The following FAT3 variants were observed in gnomAD, a reference collection of about 807,000 sequenced individuals.
The protein encoded by FAT3 is protocadherin Fat 3.
A neutral mutation model predicts 310.2 loss-of-function variants in FAT3; 95 were observed. That is an observed-to-expected ratio of 0.31 (90% confidence interval 0.26 to 0.36). The LOEUF (loss-of-function observed/expected upper bound fraction) is 0.36. Among genes scored for constraint, FAT3 ranks in the 10% least tolerant of loss-of-function variants. FAT3 has a pLI of 1.00. For missense variants in FAT3, 5,408 were observed against 5,715.6 expected (o/e 0.95, Z 1.74); for synonymous variants, 2,314 against 2,192.9 (o/e 1.06, Z -1.54).
At chr11:92,772,537 C>A (rs953234748) in intron 6 of FAT3, among the ~76,000 whole-genome samples, 3 of 152,060 alleles carry the variant, frequency 2.0e-5, no homozygotes, top group Non-Finnish European at 4.4e-5. Context: ...TATCTTCAAA[C>A]AATTTTTTTG....
chr11:92,413,096 C>G (rs1044932198), intron 2 of FAT3, among the ~76,000 whole-genome samples: 3 of 152,086 alleles, frequency 2.0e-5, no homozygotes, highest in African/African-American at 7.2e-5. Context: ...CCTGTTCTTC[C>G]TTCTACACCC....
At position 92,800,814 on chromosome 11, in the gene FAT3, A is replaced by G. The variant is rs1947320809; in HGVS notation, c.7801A>G (p.Met2601Val). Reference protein sequence around the residue: ...VDENDNAPQFMTVEYRASVRA... With the variant: ...VDENDNAPQFVTVEYRASVRA... ...TGAAAATGACAATGCTCCCCAGTTC[A>G]TGACAGTGGAATATAGAGCCAGTGT... is the stretch of plus-strand genomic sequence containing the variant. The change falls in exon 10 of 28, where the codon ATG (methionine) becomes GTG (valine). Residue 2601 changes from methionine (M) to valine (V), a missense_variant. This residue lies in a region of FAT3 where 4,588 missense variants were observed against 4,809.8 expected (regional missense o/e 0.95). Transcript: ENST00000525166. 6.2e-7 allele frequency: 1 copy of G among 1,613,876 alleles called. No homozygotes were observed. The highest frequency in any genetic ancestry group is 1.3e-5 in the African/African-American group (1 of 75,062).
intron 2 of FAT3, among the ~76,000 whole-genome samples, chr11:92,518,148 G>A (rs1459788406): frequency 6.6e-6 from 1 of 152,050 alleles, no homozygotes; most frequent in African/African-American, 2.4e-5. Flanking sequence ...ATTTTACCCA[G>A]CAATCCCATT....
chr11:92,706,071 G>T (rs981104842), intron 4 of FAT3, among the ~76,000 whole-genome samples: 1 of 151,180 alleles, frequency 6.6e-6, no homozygotes, highest in Non-Finnish European at 1.5e-5. Flanking sequence ...TGGTAGTGAC[G>T]ACTGTGATGG....
intron 1 of FAT3, among the ~76,000 whole-genome samples, chr11:92,342,400 A>G (rs754996987): frequency 1.3e-5 from 2 of 152,096 alleles, no homozygotes; most frequent in Non-Finnish European, 2.9e-5. Context: ...CTGCTTTCGT[A>G]TCTTCCGATT....
rs931363388 is a variant in FAT3, at chr11:92,766,065, A to G, written c.4195+976A>G. On this transcript the variant is annotated intron_variant, in intron 6 of 27. Transcript: ENST00000525166. ...AGTCAGCCTCCCCCGCAAGCCGAAT[A>G]GAGGAAGCAGATGGAAGCATGCAGG... 4.6e-5 allele frequency among the ~76,000 whole-genome samples: 7 copies of G among 152,128 alleles called. No individual in the cohort carries two copies. In the East Asian group the frequency reaches 1.4e-3, roughly 29 times the overall value.
chr11:92,883,173 C>T lies in FAT3; in HGVS notation c.12717C>T (p.Pro4239=), dbSNP rs2136415061. 1 of 1,613,540 alleles carries T rather than the reference C, an allele frequency of 6.2e-7. No individual in the cohort carries two copies. Among genetic ancestry groups the T allele is most frequent in the Non-Finnish European group, 8.5e-7 (1 of 1,179,848 alleles). Residue 4239 remains proline (P), a synonymous_variant, in exon 24 of 28, where the codon CCC becomes CCT. Transcript: ENST00000525166. The surrounding 1 kb of genome is among the most constrained non-coding windows in gnomAD (Gnocchi z 4.2). The part of the protein sequence containing the change: ...QVPVRPMAYT[P]CFQSDSRSNL... Reference sequence around the variant, plus strand: ...CCGTGCGCCCCATGGCCTACACACCCTGCTTCCAGAGTGACTCCAGGAGCA... The same window carrying T: ...CCGTGCGCCCCATGGCCTACACACCTTGCTTCCAGAGTGACTCCAGGAGCA...
intron 2 of FAT3, among the ~76,000 whole-genome samples, chr11:92,442,811 AT>A (rs568116674): frequency 6.8e-4 from 103 of 151,506 alleles, no homozygotes; most frequent in Non-Finnish European, 1.1e-3. Flanking sequence ...TGACAGGTTC[AT>A]TTTTTTTTAT....
At position 92,490,115 on chromosome 11, in the gene FAT3, CT is replaced by C. The variant is rs1952560197; in HGVS notation, c.3293-34513del. ...TCATCTGATTTGGGTTGAAAATATA[CT>C]TTTTTAAGAATTAGTTATAATTGTT... On this transcript the variant is annotated intron_variant, in intron 2 of 27. Coordinates refer to ENST00000525166, the MANE Select transcript of FAT3 (RefSeq NM_001367949.2). Among the ~76,000 whole-genome samples, 3 of 152,004 alleles carry C rather than the reference CT, an allele frequency of 2.0e-5. No individual in the cohort carries two copies. In the South Asian group the frequency reaches 6.2e-4, roughly 32 times the overall value.
chr11:92,850,771 G>A (rs931274041), intron 19 of FAT3, among the ~76,000 whole-genome samples: 2 of 152,220 alleles, frequency 1.3e-5, no homozygotes, highest in Non-Finnish European at 2.9e-5. Flanking sequence ...GCTAAAAGCA[G>A]AGACTTAATC....
chr11:92,285,859 C>T (rs1946549557), intron 1 of FAT3, among the ~76,000 whole-genome samples: 1 of 152,046 alleles, frequency 6.6e-6, no homozygotes, highest in South Asian at 2.1e-4. Flanking sequence ...GGCAATGTGG[C>T]TTATTTGGAG....
intron 4 of FAT3, among the ~76,000 whole-genome samples, chr11:92,744,436 T>C (rs1945595226): frequency 6.6e-6 from 1 of 152,182 alleles, no homozygotes; most frequent in Non-Finnish European, 1.5e-5. Context: ...ACATAATAAA[T>C]GGGTGATATA....
Position 92,271,307 on chromosome 11 carries a change from G to A in FAT3, c.-18+46133G>A, listed in dbSNP as rs375505035. 1.5e-4 allele frequency among the ~76,000 whole-genome samples: 23 copies of A among 152,002 alleles called. No homozygotes were observed. The South Asian group carries it at 4.8e-3, about 32-fold the overall frequency. On this transcript the variant is annotated intron_variant, in intron 1 of 27. Transcript: ENST00000525166. ...CTGGGCCACACTGGCCTTCCCTCTG[G>A]ACCTTAACCCTCCCCAATATCCCTA...
intron 3 of FAT3, among the ~76,000 whole-genome samples, chr11:92,591,155 T>G (rs1261530606): frequency 6.6e-6 from 1 of 152,166 alleles, no homozygotes; most frequent in Non-Finnish European, 1.5e-5. Flanking sequence ...TTTACCTGCC[T>G]TAGGAACAAA....
At chr11:92,756,141 C>T (rs1449170855) in intron 4 of FAT3, among the ~76,000 whole-genome samples, 5 of 152,126 alleles carry the variant, frequency 3.3e-5, no homozygotes, top group African/African-American at 1.2e-4. Context: ...AGTAGTTGCC[C>T]CTTTTCCATA....
At chr11:92,830,982 G>A (rs942792529) in intron 13 of FAT3, among the ~76,000 whole-genome samples, 16 of 152,118 alleles carry the variant, frequency 1.1e-4, no homozygotes, top group African/African-American at 2.7e-4. Context: ...CCAAGATCAC[G>A]TGCTTATGTT....
At position 92,352,616 on chromosome 11, in the gene FAT3, A is replaced by G. The variant is rs1400693934; in HGVS notation, c.504A>G (p.Ala168=). The G allele has an allele frequency of 2.8e-5, 45 of 1,613,772 alleles. No homozygotes were observed. The highest frequency in any genetic ancestry group is 3.7e-5 in the Non-Finnish European group (44 of 1,179,874). The change falls in exon 2 of 28, where the codon GCA becomes GCG. Residue 168 remains alanine, a synonymous_variant. Transcript: ENST00000525166. ...CCACAACATACTCTGTTACCATAGC[A>G]GAAAGCACACCTCTAAGGACTAGTG... ...FSPTTYSVTI[A]ESTPLRTSVA...
At chr11:92,652,674 G>GAT (rs747811124) in intron 3 of FAT3, among the ~76,000 whole-genome samples, 84 of 152,276 alleles carry the variant, frequency 5.5e-4, no homozygotes, top group Middle Eastern at 6.8e-3. Context: ...GGGAGGAAAG[G>GAT]AGTCTAAAGA....
intron 1 of FAT3, among the ~76,000 whole-genome samples, chr11:92,306,643 A>G (rs1379845139): frequency 8.1e-6 from 1 of 122,734 alleles, no homozygotes; most frequent in Non-Finnish European, 1.6e-5. Flanking sequence ...TATTATATAT[A>G]TTATATATAT....
Sources: gnomAD v4.1 joint callset for allele counts (sites outside exome capture counted in the v4.1 genomes callset) on GRCh38, gnomAD v4.1.1 for gene constraint, gnomAD v4.1.1 regional missense constraint, Gnocchi (gnomAD v3.1) non-coding constraint, MANE v1.5 for transcripts, NCBI Gene and HGNC (gene_info 2026-07-23, HGNC 2026-07-21) for gene names.